Variants in KCNJ3 observed in about 807,000 individuals in gnomAD.
KCNJ3 encodes potassium inwardly rectifying channel subfamily J member 3.
A neutral mutation model predicts 39.2 loss-of-function variants in KCNJ3; 4 were observed. The ratio of observed to expected loss-of-function variants is 0.10; its 90% confidence interval spans 0.05 to 0.23. The LOEUF (loss-of-function observed/expected upper bound fraction) is 0.23. Among genes scored for constraint, KCNJ3 ranks in the 10% least tolerant of loss-of-function variants. The pLI, the probability that KCNJ3 is intolerant of heterozygous loss-of-function variation, is 1.00. For synonymous variants in KCNJ3, 230 were observed against 237.4 expected (o/e 0.97, Z 0.29); for missense variants, 276 against 634.9 (o/e 0.43, Z 6.08).
At chr2:154,848,370 A>G (rs1216184211) in intron 2 of KCNJ3, among the ~76,000 whole-genome samples, 2 of 152,138 alleles carry the variant, frequency 1.3e-5, no homozygotes, top group East Asian at 1.9e-4. Flanking sequence ...GATAAAATAT[A>G]TAAAACCTAT....
intron 2 of KCNJ3, among the ~76,000 whole-genome samples, chr2:154,741,883 A>G (rs560039922): frequency 2.6e-4 from 40 of 152,044 alleles, no homozygotes; most frequent in Non-Finnish European, 4.7e-4. Context: ...TTGTGGTAAA[A>G]TAAACATAAA....
chr2:154,811,389 C>T (rs1177033042), intron 2 of KCNJ3, among the ~76,000 whole-genome samples: 1 of 152,086 alleles, frequency 6.6e-6, no homozygotes, highest in East Asian at 1.9e-4. Context: ...CAGTTTTCAG[C>T]GATTTTTCTG....
At chr2:154,740,260 T>G (rs1047649175) in intron 2 of KCNJ3, among the ~76,000 whole-genome samples, 1 of 152,050 alleles carries the variant, frequency 6.6e-6, no homozygotes, top group Non-Finnish European at 1.5e-5. Context: ...TATTATTTCC[T>G]TGATTGATCT....
At chr2:154,835,607 T>TTCTA (rs767423166) in intron 2 of KCNJ3, among the ~76,000 whole-genome samples, 6 of 151,804 alleles carry the variant, frequency 4.0e-5, no homozygotes, top group South Asian at 2.1e-4. Flanking sequence ...CAATTATTAT[T>TTCTA]TCTATCTAAT....
chr2:154,855,345 T>G lies in KCNJ3; in HGVS notation c.*32T>G, dbSNP rs904120724. On this transcript the variant is annotated 3_prime_UTR_variant, in exon 3 of 3. Transcript: ENST00000295101. Reference sequence around the variant, plus strand: ...ACTCCCTTAGGCATTATTTAATGTTTGATTTAGTAATAGTCCAATATTTGG... The same window carrying G: ...ACTCCCTTAGGCATTATTTAATGTTGGATTTAGTAATAGTCCAATATTTGG... 1 of 1,405,262 alleles carries G rather than the reference T, an allele frequency of 7.1e-7. No homozygotes were observed. Among genetic ancestry groups the G allele is most frequent in the Admixed American group, 2.4e-5 (1 of 41,548 alleles). The allele number at this position is 1,405,262 out of a possible 1,614,324, so 87.0% of individuals were successfully genotyped here.
At chr2:154,778,917 A>G (rs2105201627) in intron 2 of KCNJ3, among the ~76,000 whole-genome samples, 1 of 152,242 alleles carries the variant, frequency 6.6e-6, no homozygotes, top group African/African-American at 2.4e-5. Context: ...CGTTAGCACC[A>G]AAGGGTTGAT....
At chr2:154,787,892 C>A (rs549133437) in intron 2 of KCNJ3, among the ~76,000 whole-genome samples, 107 of 152,026 alleles carry the variant, frequency 7.0e-4, no homozygotes, top group African/African-American at 2.5e-3. Flanking sequence ...GATCTAGTAC[C>A]TTTTATGACA....
At chr2:154,799,042 C>T (rs930079123) in intron 2 of KCNJ3, among the ~76,000 whole-genome samples, 1 of 151,796 alleles carries the variant, frequency 6.6e-6, no homozygotes, top group African/African-American at 2.4e-5. Context: ...GGGATGAGTA[C>T]ATTAGATGGT....
intron 2 of KCNJ3, among the ~76,000 whole-genome samples, chr2:154,834,081 G>C (rs1687407752): frequency 6.6e-6 from 1 of 152,046 alleles, no homozygotes; most frequent in Non-Finnish European, 1.5e-5. Flanking sequence ...AGGGTTGTAT[G>C]GTAAAAATAT....
At chr2:154,789,608 G>A (rs1686591616) in intron 2 of KCNJ3, among the ~76,000 whole-genome samples, 1 of 152,006 alleles carries the variant, frequency 6.6e-6, no homozygotes, top group South Asian at 2.1e-4. Flanking sequence ...AAAAAAAGTA[G>A]CCAGAACATA....
At chr2:154,733,019 T>C (rs968025647) in intron 2 of KCNJ3, among the ~76,000 whole-genome samples, 2 of 152,192 alleles carry the variant, frequency 1.3e-5, no homozygotes, top group Admixed American at 6.5e-5. Flanking sequence ...GTGTTGATTT[T>C]TGGTTAACCT....
At chr2:154,813,075 T>G (rs1427662201) in intron 2 of KCNJ3, among the ~76,000 whole-genome samples, 1 of 152,220 alleles carries the variant, frequency 6.6e-6, no homozygotes, top group Non-Finnish European at 1.5e-5. Context: ...TAACCCAGGT[T>G]ACACAGCTAG....
chr2:154,722,234 C>T (rs1384591720), intron 2 of KCNJ3, among the ~76,000 whole-genome samples: 4 of 151,992 alleles, frequency 2.6e-5, no homozygotes, highest in Admixed American at 2.6e-4. Flanking sequence ...CTGTGCCAGA[C>T]ACTGAGTACA....
intron 2 of KCNJ3, among the ~76,000 whole-genome samples, chr2:154,750,366 G>T (rs1160573115): frequency 6.6e-6 from 1 of 151,836 alleles, no homozygotes; most frequent in African/African-American, 2.4e-5. Context: ...TAAAATATCT[G>T]TACTGAAGAA....
In KCNJ3 at chr2:154,856,509, T is replaced by TTTG. The variant is rs1301323864; in HGVS notation, c.*1201_*1203dup. On this transcript the variant is annotated 3_prime_UTR_variant, in exon 3 of 3. Coordinates refer to ENST00000295101, the MANE Select transcript of KCNJ3 (RefSeq NM_002239.4). ...TTATTCTGTTTTCTTGTTTATGGCA[T>TTTG]TTGTTGTAACAGGATAGACTTTTTC... 6.6e-6 allele frequency: 1 copy of TTTG among 152,216 alleles called. No homozygotes were observed. Among genetic ancestry groups the TTTG allele is most frequent in the African/African-American group, 2.4e-5 (1 of 41,454 alleles). 9.4% of individuals were successfully genotyped at this position (152,216 alleles called of 1,614,324 possible). A position where few individuals can be genotyped will look rare whatever the true frequency, so the allele number is the denominator to read the frequency against.
chr2:154,758,984 A>G lies in KCNJ3; in HGVS notation c.919+49165A>G, dbSNP rs553973912. On this transcript the variant is annotated intron_variant, in intron 2 of 2. Coordinates refer to ENST00000295101, the MANE Select transcript of KCNJ3 (RefSeq NM_002239.4). ...CTCAGGCTGTTGATTGGAGTCTTGG[A>G]TTTGCCCTAGAGGCCTCTAAAAACA... 1.1e-4 allele frequency among the ~76,000 whole-genome samples: 17 copies of G among 152,246 alleles called. No individual in the cohort carries two copies. The East Asian group carries it at 3.1e-3, about 28-fold the overall frequency.
At chr2:154,800,210 A>C (rs1296699981) in intron 2 of KCNJ3, among the ~76,000 whole-genome samples, 1 of 152,206 alleles carries the variant, frequency 6.6e-6, no homozygotes, top group Non-Finnish European at 1.5e-5. Context: ...CTTTGCCTCC[A>C]GCTCTAGAAA....
At chr2:154,740,659 T>C (rs899905563) in intron 2 of KCNJ3, among the ~76,000 whole-genome samples, 1 of 151,948 alleles carries the variant, frequency 6.6e-6, no homozygotes, top group Admixed American at 6.6e-5. Flanking sequence ...TTTTAAAGAG[T>C]CTGTTTTAGC....
intron 2 of KCNJ3, among the ~76,000 whole-genome samples, chr2:154,836,525 G>A (rs567807971): frequency 6.6e-6 from 1 of 152,024 alleles, no homozygotes; most frequent in African/African-American, 2.4e-5. Flanking sequence ...GCCTATTTAT[G>A]TCATGGCAGA....
Sources: allele counts gnomAD v4.1 joint callset (sites outside exome capture counted in the v4.1 genomes callset), GRCh38; gene constraint gnomAD v4.1.1; transcripts MANE v1.5; gene names NCBI Gene and HGNC (gene_info 2026-07-23, HGNC 2026-07-21).